The following CDH13 variants were observed in gnomAD, a reference collection of about 807,000 sequenced individuals.
CDH13 encodes the protein cadherin-13.
In CDH13, 24 loss-of-function variants were observed where a neutral mutation model predicts 63.8. The observed-to-expected ratio is 0.38, with a 90% CI of 0.27 to 0.53. The LOEUF is 0.53. Ranked by LOEUF, CDH13 falls within the 20% of genes least tolerant of loss-of-function variation. The pLI is 0.85. For missense variants in CDH13, 1,049 were observed against 903.1 expected (o/e 1.16, Z -2.07); for synonymous variants, 503 against 355.3 (o/e 1.42, Z -4.67).
At chr16:83,223,060 TA>T (rs2151794931) in intron 5 of CDH13, among the ~76,000 whole-genome samples, 1 of 75,704 alleles carries the variant, frequency 1.3e-5, no homozygotes, top group African/African-American at 3.7e-5. Context: ...AGTTGTCCTA[TA>T]AGGGGCAAAA....
chr16:82,779,627 C>T (rs1478822383), intron 1 of CDH13, among the ~76,000 whole-genome samples: 1 of 152,142 alleles, frequency 6.6e-6, no homozygotes, highest in Non-Finnish European at 1.5e-5. Context: ...TTAAACAAAC[C>T]TCATAATTTA....
chr16:83,125,284 A>G, intron 3 of CDH13, 101 bp from the exon 4 acceptor site: 1 of 682,716 alleles, frequency 1.5e-6, no homozygotes, highest in East Asian at 2.7e-5. Flanking sequence ...ACACTTTCCA[A>G]ACAGCTGTAT....
At chr16:83,539,959 T>C (rs902428418) in intron 7 of CDH13, among the ~76,000 whole-genome samples, 2 of 152,238 alleles carry the variant, frequency 1.3e-5, no homozygotes, top group African/African-American at 4.8e-5. Flanking sequence ...GTGGAACTCA[T>C]TCTTTGACTT....
intron 7 of CDH13, among the ~76,000 whole-genome samples, chr16:83,505,454 C>T (rs1397080779): frequency 2.0e-5 from 3 of 151,580 alleles, no homozygotes; most frequent in African/African-American, 7.3e-5. Context: ...TACATGTGAG[C>T]ACCAAAGGGA....
chr16:83,211,922 A>T (rs1470277623), intron 4 of CDH13, among the ~76,000 whole-genome samples: 1 of 152,126 alleles, frequency 6.6e-6, no homozygotes, highest in Non-Finnish European at 1.5e-5. Flanking sequence ...AAAAAAAAAC[A>T]TCCCACTGTG....
At chr16:83,561,107 T>G (rs1192398376) in intron 7 of CDH13, among the ~76,000 whole-genome samples, 1 of 152,172 alleles carries the variant, frequency 6.6e-6, no homozygotes, top group Non-Finnish European at 1.5e-5. Flanking sequence ...GTTGTTCTTT[T>G]CTTCCCTTGA....
At chr16:82,761,973 A>G (rs553309589) in intron 1 of CDH13, among the ~76,000 whole-genome samples, 10 of 152,358 alleles carry the variant, frequency 6.6e-5, no homozygotes, top group African/African-American at 2.2e-4. Context: ...TAAAGGCACA[A>G]AAGCTAAAAG....
At chr16:83,278,931 TG>T (rs1368440694) in intron 5 of CDH13, among the ~76,000 whole-genome samples, 1 of 152,224 alleles carries the variant, frequency 6.6e-6, no homozygotes, top group African/African-American at 2.4e-5. Context: ...ATAGCCAGCA[TG>T]CTAAGCCTGG....
In CDH13 at chr16:83,444,792, C is replaced by T. The variant is rs183318783; in HGVS notation, c.782-41685C>T. On this transcript the variant is annotated intron_variant, in intron 6 of 13. Coordinates refer to ENST00000567109, the MANE Select transcript of CDH13 (RefSeq NM_001257.5). The stretch of plus-strand genomic sequence containing the variant: ...TTTATTTCATTCATAATATTCTGTT[C>T]GAAATGAAAATATTCTCATGGTTGG... Among the ~76,000 whole-genome samples the T allele has an allele frequency of 0.025, 12 of 484 alleles. No homozygotes were observed. The East Asian group carries it at 0.27, about 11-fold the overall frequency. The allele number at this position is 484 out of a possible 152,430, so 0.3% of individuals were successfully genotyped here. A position where few individuals can be genotyped will look rare whatever the true frequency, so the allele number is the denominator to read the frequency against.
chr16:83,104,104 A>G (rs2034645523), intron 3 of CDH13, among the ~76,000 whole-genome samples: 1 of 152,204 alleles, frequency 6.6e-6, no homozygotes. Flanking sequence ...TGAGTATTAC[A>G]CGACCATTGA....
intron 4 of CDH13, among the ~76,000 whole-genome samples, chr16:83,156,673 G>C (rs950385555): frequency 6.6e-6 from 1 of 152,182 alleles, no homozygotes; most frequent in South Asian, 2.1e-4. Context: ...GCCAGGGCTT[G>C]ACTTCTGCGT....
intron 2 of CDH13, among the ~76,000 whole-genome samples, chr16:82,948,902 A>G (rs1905014400): frequency 6.6e-6 from 1 of 152,226 alleles, no homozygotes; most frequent in Admixed American, 6.5e-5. Flanking sequence ...GACAAAGTTT[A>G]CTTACTTTCG....
intron 4 of CDH13, among the ~76,000 whole-genome samples, chr16:83,195,238 C>G (rs951996630): frequency 1.3e-5 from 2 of 152,034 alleles, no homozygotes; most frequent in African/African-American, 2.4e-5. Context: ...CATAGCTAAA[C>G]AAAAGGAGCT....
At chr16:83,656,764 T>G (rs1370512206) in intron 8 of CDH13, among the ~76,000 whole-genome samples, 1 of 152,210 alleles carries the variant, frequency 6.6e-6, no homozygotes, top group East Asian at 1.9e-4. Context: ...TCACAGCCAA[T>G]TTTAGGGCAC....
intron 3 of CDH13, among the ~76,000 whole-genome samples, chr16:83,070,821 C>T (rs1943129214): frequency 6.6e-6 from 1 of 150,482 alleles, no homozygotes; most frequent in African/African-American, 2.4e-5. Context: ...GTATATAAAT[C>T]AGGCAGGGTT....
Position 83,800,321 on chromosome 16 carries a change from T to A in CDH13, c.*5291T>A, listed in dbSNP as rs1295026937. ...TTCTATATCTGTCGTACACATGAAT[T>A]CAGACTATTATTAGAGAGTTATATC... On this transcript the variant is annotated 3_prime_UTR_variant, in exon 14 of 14. Coordinates refer to ENST00000567109, the MANE Select transcript of CDH13 (RefSeq NM_001257.5). 4 of 152,212 alleles carry A rather than the reference T, an allele frequency of 2.6e-5. No individual in the cohort carries two copies. The highest frequency in any genetic ancestry group is 4.4e-5 in the Non-Finnish European group (3 of 68,034). The allele number at this position is 152,212 out of a possible 1,614,324, so 9.4% of individuals were successfully genotyped here.
intron 1 of CDH13, among the ~76,000 whole-genome samples, chr16:82,637,051 C>T (rs1179600554): frequency 6.6e-6 from 1 of 152,146 alleles, no homozygotes; most frequent in Non-Finnish European, 1.5e-5. Context: ...TGTTAGAATG[C>T]AGGGAAGTCC....
intron 6 of CDH13, among the ~76,000 whole-genome samples, chr16:83,474,701 G>A (rs553089269): frequency 6.6e-6 from 1 of 152,302 alleles, no homozygotes; most frequent in African/African-American, 2.4e-5. Context: ...GGTGTCCAAA[G>A]CAAGGTCAAG....
intron 1 of CDH13, among the ~76,000 whole-genome samples, chr16:82,858,097 A>T (rs919605858): frequency 2.0e-5 from 3 of 152,204 alleles, no homozygotes; most frequent in African/African-American, 7.2e-5. Flanking sequence ...CATGGTGAGA[A>T]TCTTAGCAGG....
Sources: allele counts gnomAD v4.1 joint callset (sites outside exome capture counted in the v4.1 genomes callset), GRCh38; gene constraint gnomAD v4.1.1; transcripts MANE v1.5; gene names NCBI Gene and HGNC (gene_info 2026-07-23, HGNC 2026-07-21).